The following ZNF609 variants were observed in gnomAD, a reference collection of about 807,000 sequenced individuals.
The protein encoded by ZNF609 is zinc finger protein 609.
In ZNF609, 11 loss-of-function variants were observed where a neutral mutation model predicts 109.5. The observed-to-expected ratio is 0.10, with a 90% CI of 0.06 to 0.17. ZNF609 has a LOEUF of 0.17. ZNF609 is among the 10% of genes least tolerant of loss of function. The pLI is 1.00. For synonymous variants in ZNF609, 646 were observed against 662.0 expected, an observed-to-expected ratio of 0.98 and a Z score of 0.37; for missense variants, 1,559 against 1,772.4, an observed-to-expected ratio of 0.88 and a Z score of 2.16.
At chr15:64,595,751 G>A (rs2140942886) in intron 2 of ZNF609, among the ~76,000 whole-genome samples, 1 of 152,208 alleles carries the variant, frequency 6.6e-6, no homozygotes, top group South Asian at 2.1e-4. Context: ...CACCTCCTTT[G>A]TAAGATAATT....
At chr15:64,647,636 T>C (rs1896355152) in intron 3 of ZNF609, among the ~76,000 whole-genome samples, 1 of 152,204 alleles carries the variant, frequency 6.6e-6, no homozygotes, top group African/African-American at 2.4e-5. Flanking sequence ...TTCTATAACA[T>C]TTTAAATAAC....
At chr15:64,625,871 A>G (rs1351806619) in intron 3 of ZNF609, among the ~76,000 whole-genome samples, 1 of 122,112 alleles carries the variant, frequency 8.2e-6, no homozygotes, top group Non-Finnish European at 1.6e-5. Flanking sequence ...CCTGGGTGAC[A>G]GAGCCAGACT....
At chr15:64,484,771 C>T (rs1313729544) in intron 1 of ZNF609, among the ~76,000 whole-genome samples, 1 of 148,022 alleles carries the variant, frequency 6.8e-6, no homozygotes, top group Non-Finnish European at 1.5e-5. Context: ...GTCATGAGAT[C>T]GAGACCATCC....
intron 2 of ZNF609, among the ~76,000 whole-genome samples, chr15:64,582,864 G>A (rs1278021476): frequency 7.0e-6 from 1 of 143,324 alleles, no homozygotes; most frequent in Non-Finnish European, 1.5e-5. Flanking sequence ...CCATTCTCCT[G>A]CCTCAGCCTC....
At chr15:64,596,943 C>T (rs565010792) in intron 2 of ZNF609, among the ~76,000 whole-genome samples, 1 of 152,314 alleles carries the variant, frequency 6.6e-6, no homozygotes, top group East Asian at 1.9e-4. Context: ...AACTGCTATG[C>T]TGATAGTTGT....
intron 1 of ZNF609, among the ~76,000 whole-genome samples, chr15:64,488,415 A>G (rs964100687): frequency 1.1e-4 from 17 of 152,338 alleles, no homozygotes; most frequent in African/African-American, 1.7e-4. Context: ...TGGTTCTTCA[A>G]TGGTGAGCAC....
intron 2 of ZNF609, among the ~76,000 whole-genome samples, chr15:64,563,969 C>T (rs1402412562): frequency 1.3e-5 from 2 of 152,010 alleles, no homozygotes; most frequent in Non-Finnish European, 2.9e-5. Context: ...CTGCAGCCTC[C>T]ACCTCCTGGG....
At chr15:64,620,396 A>G (rs1018041191) in intron 2 of ZNF609, among the ~76,000 whole-genome samples, 1 of 152,166 alleles carries the variant, frequency 6.6e-6, no homozygotes, top group Non-Finnish European at 1.5e-5. Flanking sequence ...CCAGCACTGC[A>G]GAGGAGTGAG....
intron 2 of ZNF609, among the ~76,000 whole-genome samples, chr15:64,578,416 C>T (rs569448219): frequency 2.0e-4 from 31 of 152,104 alleles, no homozygotes; most frequent in South Asian, 6.2e-4. Context: ...GTTTATGAGC[C>T]GGGCACAGTT....
intron 2 of ZNF609, among the ~76,000 whole-genome samples, chr15:64,526,335 G>A (rs1397076149): frequency 6.6e-6 from 1 of 152,042 alleles, no homozygotes; most frequent in Non-Finnish European, 1.5e-5. Flanking sequence ...TGTTGGCTCT[G>A]ATATGATTTT....
chr15:64,677,742 C>A (rs866457932), intron 5 of ZNF609, among the ~76,000 whole-genome samples: 1 of 152,156 alleles, frequency 6.6e-6, no homozygotes, highest in African/African-American at 2.4e-5. Context: ...TATAAGCTTT[C>A]CAGTCCCTGA....
At chr15:64,670,282 G>A in intron 3 of ZNF609, 64 bp from the exon 4 acceptor site, 2 of 1,351,498 alleles carry the variant, frequency 1.5e-6, no homozygotes, top group Non-Finnish European at 2.1e-6. Flanking sequence ...CTGATCAAAA[G>A]AATACTATTC....
chr15:64,618,123 G>C (rs1234988523), intron 2 of ZNF609, among the ~76,000 whole-genome samples: 1 of 152,098 alleles, frequency 6.6e-6, no homozygotes, highest in Non-Finnish European at 1.5e-5. Flanking sequence ...GTCCTTTTCT[G>C]ATTTTTTTTT....
At chr15:64,609,088 CTTT>C (rs1179956753) in intron 2 of ZNF609, among the ~76,000 whole-genome samples, 2 of 33,556 alleles carry the variant, frequency 6.0e-5, no homozygotes, top group Non-Finnish European at 1.8e-4. Flanking sequence ...TTCTTTCTTT[CTTT>C]CTTTCTTTCT....
At chr15:64,665,221 G>A (rs1479140679) in intron 3 of ZNF609, among the ~76,000 whole-genome samples, 1 of 152,162 alleles carries the variant, frequency 6.6e-6, no homozygotes. Context: ...ATGTGTATGT[G>A]TCTTTTATCT....
At chr15:64,582,158 A>C (rs983360783) in intron 2 of ZNF609, among the ~76,000 whole-genome samples, 17 of 152,176 alleles carry the variant, frequency 1.1e-4, no homozygotes, top group African/African-American at 3.9e-4. Flanking sequence ...TTTGTAAATA[A>C]AGTTTGTTTA....
chr15:64,553,410 A>G (rs1894518788), intron 2 of ZNF609, among the ~76,000 whole-genome samples: 1 of 151,934 alleles, frequency 6.6e-6, no homozygotes, highest in Non-Finnish European at 1.5e-5. Context: ...TAGGTCTTTA[A>G]GTTCTCTTTA....
At chr15:64,465,274 A>G (rs922204366) in intron 1 of ZNF609, among the ~76,000 whole-genome samples, 1 of 152,232 alleles carries the variant, frequency 6.6e-6, no homozygotes, top group Non-Finnish European at 1.5e-5. Context: ...TCTACCTGAC[A>G]TGCCTTACTC....
At chr15:64,550,924 T>C (rs1894458583) in intron 2 of ZNF609, among the ~76,000 whole-genome samples, 1 of 152,206 alleles carries the variant, frequency 6.6e-6, no homozygotes, top group African/African-American at 2.4e-5. Context: ...ATGCATAAGT[T>C]TTCAGTTTTG....
Sources: allele counts gnomAD v4.1 joint callset (sites outside exome capture counted in the v4.1 genomes callset), GRCh38; gene constraint gnomAD v4.1.1; transcripts MANE v1.5; gene names NCBI Gene and HGNC (gene_info 2026-07-23, HGNC 2026-07-21).